The following RBFOX1 variants were observed in gnomAD, a reference collection of about 807,000 sequenced individuals.
RBFOX1 encodes the protein RNA binding fox-1 homolog 1, also known as RNA binding protein fox-1 homolog 1.
RBFOX1 carries 8 observed loss-of-function variants against 57.7 expected under a neutral mutation model. That is an observed-to-expected ratio of 0.14 (90% CI 0.08 to 0.25). The LOEUF (loss-of-function observed/expected upper bound fraction) is 0.25. Among genes scored for constraint, RBFOX1 ranks in the 10% least tolerant of loss-of-function variants. The pLI is 1.00. For missense variants in RBFOX1, 611 were observed against 548.5 expected (o/e 1.11, Z -1.14); for synonymous variants, 326 against 222.4 (o/e 1.47, Z -4.15).
At chr16:6,669,410 C>T (rs866044072) in intron 3 of RBFOX1, among the ~76,000 whole-genome samples, 3 of 152,174 alleles carry the variant, frequency 2.0e-5, no homozygotes, top group African/African-American at 7.2e-5. Context: ...GATCTTTTTA[C>T]TGTGGCCATC....
chr16:7,065,088 C>T (rs757814847), intron 4 of RBFOX1, among the ~76,000 whole-genome samples: 54 of 152,316 alleles, frequency 3.5e-4, no homozygotes, highest in Non-Finnish European at 2.4e-4. Context: ...TACTTGGTTT[C>T]ATCTCTGGAG....
chr16:7,611,317 G>A (rs992218428), intron 10 of RBFOX1, among the ~76,000 whole-genome samples: 8 of 152,232 alleles, frequency 5.3e-5, no homozygotes, highest in African/African-American at 1.4e-4. Context: ...CAGGCGTGGT[G>A]GCTCACGCCT....
chr16:6,115,507 G>A (rs2096488401), intron 1 of RBFOX1, among the ~76,000 whole-genome samples: 1 of 152,140 alleles, frequency 6.6e-6, no homozygotes, highest in Non-Finnish European at 1.5e-5. Context: ...CAAGGGGTGG[G>A]CTATAGTGAG....
intron 3 of RBFOX1, among the ~76,000 whole-genome samples, chr16:6,768,911 G>A (rs1043444170): frequency 5.9e-5 from 9 of 151,766 alleles, no homozygotes; most frequent in Non-Finnish European, 1.2e-4. Flanking sequence ...GTATTTTTAG[G>A]AGAGATGGGG....
At chr16:6,008,769 C>G (rs2094942336) in intron 4 of RBFOX1, among the ~76,000 whole-genome samples, 1 of 152,222 alleles carries the variant, frequency 6.6e-6, no homozygotes, top group Non-Finnish European at 1.5e-5. Flanking sequence ...TTTGGTTCAA[C>G]ATCTGTCCTG....
At chr16:5,334,756 C>G (rs1474257368) in intron 1 of RBFOX1, among the ~76,000 whole-genome samples, 1 of 151,588 alleles carries the variant, frequency 6.6e-6, no homozygotes, top group East Asian at 2.0e-4. Flanking sequence ...ATGTGGTACA[C>G]TGTCCAACGT....
intron 1 of RBFOX1, among the ~76,000 whole-genome samples, chr16:5,431,750 T>C (rs543239081): frequency 6.6e-6 from 1 of 152,244 alleles, no homozygotes; most frequent in East Asian, 1.9e-4. Flanking sequence ...AGATGGCAAG[T>C]TTGCTTTTTG....
chr16:5,912,128 C>G (rs979528368), intron 4 of RBFOX1, among the ~76,000 whole-genome samples: 2 of 152,142 alleles, frequency 1.3e-5, no homozygotes, highest in African/African-American at 2.4e-5. Flanking sequence ...ACCTGAGCTT[C>G]ACACCCATCT....
intron 1 of RBFOX1, among the ~76,000 whole-genome samples, chr16:6,288,547 C>T (rs17220529): frequency 0.16 from 24,302 of 152,144 alleles, 2,314 homozygotes; most frequent in Non-Finnish European, 0.2. Context: ...CTAGATACTG[C>T]GTCATTTTTG....
chr16:6,963,987 T>G (rs530158883), intron 3 of RBFOX1, among the ~76,000 whole-genome samples: 1 of 151,682 alleles, frequency 6.6e-6, no homozygotes, highest in Non-Finnish European at 1.5e-5. Context: ...CGTGAGCCAC[T>G]GCGCCCAGCC....
intron 3 of RBFOX1, among the ~76,000 whole-genome samples, chr16:7,031,593 C>A (rs1468317196): frequency 1.4e-5 from 2 of 146,128 alleles, no homozygotes; most frequent in African/African-American, 2.7e-5. Context: ...AGAGTGAGAC[C>A]CTGCCTAAAA....
intron 2 of RBFOX1, among the ~76,000 whole-genome samples, chr16:6,534,355 T>G (rs1370697734): frequency 1.3e-5 from 2 of 152,128 alleles, no homozygotes; most frequent in Non-Finnish European, 2.9e-5. Flanking sequence ...GTTCTAGTTT[T>G]ATGAAGCTGA....
chr16:7,155,738 T>TACACACACACACACACAC (rs138509367), intron 4 of RBFOX1, among the ~76,000 whole-genome samples: 24 of 75,504 alleles, frequency 3.2e-4, no homozygotes, highest in African/African-American at 1.0e-3. Flanking sequence ...TATATATATA[T>TACACACACACACACACAC]ACACACACAC....
intron 4 of RBFOX1, among the ~76,000 whole-genome samples, chr16:7,515,175 G>A (rs943556655): frequency 6.6e-6 from 1 of 151,932 alleles, no homozygotes. Flanking sequence ...AAGTGGCATC[G>A]CTATGAAATT....
chr16:7,453,505 C>T (rs150676463), intron 4 of RBFOX1, among the ~76,000 whole-genome samples: 7 of 152,102 alleles, frequency 4.6e-5, no homozygotes, highest in Admixed American at 2.6e-4. Flanking sequence ...CTTAAAAGGA[C>T]GAGCAGGGGC....
chr16:6,524,554 G>T (rs559029918), intron 2 of RBFOX1, among the ~76,000 whole-genome samples: 1 of 152,270 alleles, frequency 6.6e-6, no homozygotes, highest in South Asian at 2.1e-4. Context: ...ACAAGGTTGT[G>T]GGCACAGTTT....
chr16:6,589,603 G>A (rs944433539), intron 2 of RBFOX1, among the ~76,000 whole-genome samples: 4 of 152,174 alleles, frequency 2.6e-5, no homozygotes, highest in East Asian at 1.9e-4. Context: ...AGCAATCTGG[G>A]GAGGTTCAAA....
At chr16:7,627,940 A>C (rs535263887) in intron 10 of RBFOX1, among the ~76,000 whole-genome samples, 26 of 152,210 alleles carry the variant, frequency 1.7e-4, no homozygotes, top group African/African-American at 5.5e-4. Context: ...ACTACGAAGA[A>C]AGTATCCAAA....
rs566593753 is a variant in RBFOX1, at chr16:5,873,963, G to GT, written c.351+6629dup. On this transcript the variant is annotated intron_variant, in intron 4 of 19. Transcript: ENST00000641259. Reference sequence around the variant, plus strand: ...TGCCTGCTCAGAGAATAAGTGAAAAGTAAGTGTGGAAACAGTGAAGGAGAA... The same window carrying GT: ...TGCCTGCTCAGAGAATAAGTGAAAAGTTAAGTGTGGAAACAGTGAAGGAGAA... Among the ~76,000 whole-genome samples the GT allele has an allele frequency of 2.1e-4, 32 of 152,308 alleles. 1 individual carries two copies. The South Asian group carries it at 3.7e-3, about 18-fold the overall frequency.
Sources: allele counts gnomAD v4.1 joint callset (sites outside exome capture counted in the v4.1 genomes callset), GRCh38; gene constraint gnomAD v4.1.1; transcripts MANE v1.5; gene names NCBI Gene and HGNC (gene_info 2026-07-23, HGNC 2026-07-21).